Variants in GPHN observed in about 807,000 individuals in gnomAD.
GPHN encodes the protein gephyrin.
Under a neutral mutation model 95.5 loss-of-function variants are expected in GPHN, and 17 were observed. The observed-to-expected ratio is 0.18, with a 90% CI of 0.12 to 0.27. The LOEUF (loss-of-function observed/expected upper bound fraction) is 0.27, where lower values mean the gene tolerates loss of function less well. Ranked by LOEUF, GPHN falls within the 10% of genes least tolerant of loss-of-function variation. The pLI, the probability that GPHN is intolerant of heterozygous loss-of-function variation, is 1.00. For missense variants in GPHN, 660 were observed against 978.1 expected, an observed-to-expected ratio of 0.67 and a Z score of 4.34; for synonymous variants, 320 against 322.5, an observed-to-expected ratio of 0.99 and a Z score of 0.08.
At chr14:67,694,966 T>C in the GPHN span, among the ~76,000 whole-genome samples, 1 of 152,174 alleles carries the variant, frequency 6.6e-6, no homozygotes, top group East Asian at 1.9e-4. Flanking sequence ...TTGGCCAGCC[T>C]TGGGCTGATT....
the GPHN span, chr14:67,678,034 C>G: frequency 8.3e-6 from 2 of 241,596 alleles, no homozygotes; most frequent in Non-Finnish European, 1.6e-5. Flanking sequence ...GTAGTAGTTT[C>G]TTTCAGAAGG....
intron 4 of GPHN, among the ~76,000 whole-genome samples, chr14:66,877,196 C>T (rs1417718032): frequency 2.6e-5 from 4 of 152,106 alleles, no homozygotes; most frequent in Non-Finnish European, 4.4e-5. Context: ...GCACTTCATG[C>T]TAAAAACTCT....
chr14:66,578,612 A>T (rs1442552193), intron 1 of GPHN, among the ~76,000 whole-genome samples: 1 of 139,640 alleles, frequency 7.2e-6, no homozygotes, highest in Non-Finnish European at 1.5e-5. Flanking sequence ...TATGGCTATC[A>T]TTAGATTTTT....
chr14:67,383,226 G>C, the GPHN span: 1 of 1,416,968 alleles, frequency 7.1e-7, no homozygotes, highest in African/African-American at 1.4e-5. Flanking sequence ...AAGTGTTAAA[G>C]AGAGAAAACA....
chr14:66,571,074 A>G (rs942744305), intron 1 of GPHN, among the ~76,000 whole-genome samples: 2 of 152,198 alleles, frequency 1.3e-5, no homozygotes, highest in African/African-American at 4.8e-5. Context: ...GAAATACCCA[A>G]GACTAGGTAA....
chr14:67,729,555 T>C, the GPHN span: 88 of 691,044 alleles, frequency 1.3e-4, no homozygotes, highest in East Asian at 2.3e-3. Context: ...TACAAACTTA[T>C]GTGTTGGGAA....
the GPHN span, among the ~76,000 whole-genome samples, chr14:67,406,516 T>C: frequency 3.0e-4 from 46 of 152,144 alleles, no homozygotes; most frequent in Non-Finnish European, 5.3e-4. Flanking sequence ...TTGGGCTCCA[T>C]AGGGGAGGTG....
intron 2 of GPHN, among the ~76,000 whole-genome samples, chr14:66,727,111 A>T (rs1415190613): frequency 6.6e-6 from 1 of 152,156 alleles, no homozygotes; most frequent in Non-Finnish European, 1.5e-5. Context: ...AAGTCTCACA[A>T]GATCTGATGG....
At chr14:67,619,886 G>C in the GPHN span, 1 of 856,108 alleles carries the variant, frequency 1.2e-6, no homozygotes, top group Non-Finnish European at 1.7e-6. Flanking sequence ...ACGCTGGCGC[G>C]GGTAGGTAAG....
intron 8 of GPHN, among the ~76,000 whole-genome samples, chr14:66,963,166 C>A (rs763535128): frequency 1.1e-4 from 16 of 151,958 alleles, no homozygotes; most frequent in Admixed American, 2.0e-4. Flanking sequence ...TATGTCCTAA[C>A]TTTTTCCTGA....
At chr14:66,926,683 T>G (rs1178691407) in intron 8 of GPHN, among the ~76,000 whole-genome samples, 1 of 152,200 alleles carries the variant, frequency 6.6e-6, no homozygotes, top group Non-Finnish European at 1.5e-5. Flanking sequence ...TCAGGTAGTG[T>G]GATTCTTCCA....
intron 1 of GPHN, among the ~76,000 whole-genome samples, chr14:66,607,846 T>A (rs898471327): frequency 2.6e-5 from 4 of 151,956 alleles, no homozygotes; most frequent in African/African-American, 9.7e-5. Flanking sequence ...TGTAATGTCA[T>A]CTTTGTCATT....
the GPHN span, among the ~76,000 whole-genome samples, chr14:67,731,710 G>C: frequency 6.6e-6 from 1 of 152,142 alleles, no homozygotes; most frequent in Non-Finnish European, 1.5e-5. Flanking sequence ...TTTATACATA[G>C]AGAACAGTCT....
rs1312740840 is a variant in GPHN, at chr14:67,122,300, C to G, written c.1671C>G (p.Asp557Glu). ...EDDLLPGKIR[D>E]SNRSTLLATI... ...ACCTCTTACCAGGGAAGATTCGAGA[C>G]AGCAATCGTTCAACTCTTCTAGCAA... Residue 557 changes from aspartate (D) to glutamate (E), a missense_variant, in exon 17 of 23, where the codon GAC becomes GAG. Asp to Glu is a conservative substitution (Grantham distance 45). Transcript: ENST00000478722. 2 of 1,612,984 alleles carry G rather than the reference C, an allele frequency of 1.2e-6. No individual in the cohort carries two copies. The highest frequency in any genetic ancestry group is 8.5e-7 in the Non-Finnish European group (1 of 1,179,148).
At chr14:67,580,721 C>T in the GPHN span, among the ~76,000 whole-genome samples, 1 of 152,206 alleles carries the variant, frequency 6.6e-6, no homozygotes, top group South Asian at 2.1e-4. Flanking sequence ...AGATTTCTTG[C>T]TTTATTGCTC....
the GPHN span, among the ~76,000 whole-genome samples, chr14:67,548,816 C>T: frequency 6.6e-6 from 1 of 152,272 alleles, no homozygotes; most frequent in Admixed American, 6.5e-5. Flanking sequence ...TACTTTCGCT[C>T]TGTCACAATC....
intron 5 of GPHN, among the ~76,000 whole-genome samples, chr14:66,888,345 AAGAT>A (rs983210807): frequency 6.6e-6 from 1 of 152,212 alleles, no homozygotes; most frequent in Non-Finnish European, 1.5e-5. Context: ...TAGAGGAAGA[AAGAT>A]AAGAATTACA....
chr14:67,125,255 G>A (rs1235395030), intron 17 of GPHN, among the ~76,000 whole-genome samples: 1 of 152,162 alleles, frequency 6.6e-6, no homozygotes, highest in Admixed American at 6.5e-5. Context: ...TGTTCTAATG[G>A]AAATCTGTGC....
At chr14:67,350,728 C>A in the GPHN span, 3 of 1,558,260 alleles carry the variant, frequency 1.9e-6, no homozygotes, top group Admixed American at 5.1e-5. Context: ...TCAACCAAGC[C>A]TTTTACAAGG....
Sources: allele counts gnomAD v4.1 joint callset (sites outside exome capture counted in the v4.1 genomes callset), GRCh38; gene constraint gnomAD v4.1.1; transcripts MANE v1.5; gene names NCBI Gene and HGNC (gene_info 2026-07-23, HGNC 2026-07-21).